The following DAB1 variants were observed in gnomAD, a reference collection of about 807,000 sequenced individuals.
DAB1 encodes the protein DAB adaptor protein 1.
A neutral mutation model predicts 64.6 loss-of-function variants in DAB1; 15 were observed. That is an observed-to-expected ratio of 0.23 (90% CI 0.16 to 0.36). The LOEUF (loss-of-function observed/expected upper bound fraction) is 0.36, where lower values mean the gene tolerates loss of function less well. Ranked by LOEUF, DAB1 falls within the 10% of genes least tolerant of loss-of-function variation. DAB1 has a pLI of 1.00. For missense variants in DAB1, 596 were observed against 706.7 expected (o/e 0.84, Z 1.78); for synonymous variants, 235 against 251.9 (o/e 0.93, Z 0.64).
intron 2 of DAB1, among the ~76,000 whole-genome samples, chr1:58,521,606 T>C: frequency 6.6e-6 from 1 of 152,180 alleles, no homozygotes. Flanking sequence ...AAATAACAGG[T>C]ATCCTTCAGA....
intron 1 of DAB1, among the ~76,000 whole-genome samples, chr1:57,855,380 C>T (rs763286170): frequency 5.9e-5 from 9 of 152,076 alleles, no homozygotes; most frequent in Non-Finnish European, 1.0e-4. Context: ...CGTCCCTGCC[C>T]CCATGGAGCT....
At chr1:57,392,930 A>T (rs1171215995) in intron 1 of DAB1, among the ~76,000 whole-genome samples, 2 of 152,228 alleles carry the variant, frequency 1.3e-5, no homozygotes, top group African/African-American at 4.8e-5. Flanking sequence ...CTTAAGAGAC[A>T]GTATCATATT....
chr1:57,148,074 T>C (rs1263687016), intron 2 of DAB1, among the ~76,000 whole-genome samples: 2 of 152,196 alleles, frequency 1.3e-5, no homozygotes, highest in Admixed American at 1.3e-4. Context: ...TGGTACTCAA[T>C]ACATTGGCAG....
chr1:57,460,352 A>T (rs990410164), intron 7 of DAB1, among the ~76,000 whole-genome samples: 1 of 152,176 alleles, frequency 6.6e-6, no homozygotes, highest in Non-Finnish European at 1.5e-5. Context: ...GAGGGAGAAG[A>T]CCATTTCCAC....
chr1:58,250,362 G>T (rs1166113404), intron 4 of DAB1, among the ~76,000 whole-genome samples: 3 of 152,218 alleles, frequency 2.0e-5, no homozygotes, highest in Non-Finnish European at 4.4e-5. Context: ...GGGCCAGGGC[G>T]CGCGGGAGAC....
intron 9 of DAB1, among the ~76,000 whole-genome samples, chr1:57,050,361 C>G (rs1300930127): frequency 6.6e-6 from 1 of 152,200 alleles, no homozygotes; most frequent in Non-Finnish European, 1.5e-5. Context: ...GCATCAGTGA[C>G]TTCCTAACAG....
chr1:57,096,611 T>G (rs888423563), intron 4 of DAB1, among the ~76,000 whole-genome samples: 3 of 152,232 alleles, frequency 2.0e-5, no homozygotes, highest in African/African-American at 7.2e-5. Context: ...ATAGGTCAGC[T>G]CCTCTCAGGT....
chr1:57,514,037 A>G (rs1404710071), intron 7 of DAB1, among the ~76,000 whole-genome samples: 1 of 152,192 alleles, frequency 6.6e-6, no homozygotes, highest in Non-Finnish European at 1.5e-5. Flanking sequence ...CTTCTTTTTT[A>G]ATGCTGAATA....
rs61765264 is a variant in DAB1 at position 57,057,900 on chromosome 1, G to A, written c.723+4984C>T. Among the ~76,000 whole-genome samples the A allele has an allele frequency of 4.2e-3, 636 of 152,218 alleles. 3 individuals carry two copies. Among genetic ancestry groups the A allele is most frequent in the Non-Finnish European group, 7.2e-3 (489 of 67,998 alleles). The stretch of plus-strand genomic sequence containing the variant: ...TGGGATTACAGGCATGAGCCACCGC[G>A]CCCGGCCTACTGATTCTTAATTCTA... On this transcript the variant is annotated intron_variant, in intron 9 of 14. Coordinates refer to ENST00000371236, the MANE Select transcript of DAB1 (RefSeq NM_001365792.1).
chr1:57,142,707 C>T (rs182372011), intron 3 of DAB1, among the ~76,000 whole-genome samples: 113 of 151,842 alleles, frequency 7.4e-4, no homozygotes, highest in African/African-American at 2.5e-3. Context: ...TAATCCTGAG[C>T]GAGAATGTTC....
chr1:57,251,535 A>G (rs967332295), intron 2 of DAB1, among the ~76,000 whole-genome samples: 1 of 152,214 alleles, frequency 6.6e-6, no homozygotes, highest in Non-Finnish European at 1.5e-5. Context: ...CACCTCGAGT[A>G]CACTGAAACA....
At chr1:57,746,741 A>T (rs1426853512) in intron 6 of DAB1, among the ~76,000 whole-genome samples, 1 of 152,134 alleles carries the variant, frequency 6.6e-6, no homozygotes, top group East Asian at 1.9e-4. Context: ...TGGTTGTTAT[A>T]TTGTATCATT....
intron 6 of DAB1, among the ~76,000 whole-genome samples, chr1:57,741,675 G>C (rs538067209): frequency 6.6e-6 from 1 of 152,206 alleles, no homozygotes; most frequent in South Asian, 2.1e-4. Flanking sequence ...GGAAATCTGC[G>C]TAGTATGCAA....
chr1:57,774,697 A>G (rs980486003), intron 6 of DAB1, among the ~76,000 whole-genome samples: 2 of 151,840 alleles, frequency 1.3e-5, no homozygotes, highest in South Asian at 2.1e-4. Context: ...AAATTGTATC[A>G]TAAATTATGT....
chr1:57,247,079 T>G (rs1668942759), intron 2 of DAB1, among the ~76,000 whole-genome samples: 1 of 144,650 alleles, frequency 6.9e-6, no homozygotes, highest in Admixed American at 7.1e-5. Context: ...TTAAGAAAGT[T>G]TGGGAGACTG....
intron 6 of DAB1, among the ~76,000 whole-genome samples, chr1:57,709,762 AC>A (rs1014052455): frequency 2.6e-5 from 4 of 151,816 alleles, no homozygotes; most frequent in South Asian, 4.2e-4. Context: ...AAATCTGGCC[AC>A]CCCACCCCCC....
At chr1:57,569,078 G>A (rs1353607219) in intron 7 of DAB1, among the ~76,000 whole-genome samples, 1 of 150,628 alleles carries the variant, frequency 6.6e-6, no homozygotes, top group East Asian at 2.0e-4. Flanking sequence ...CTAACACGGT[G>A]AAACCCCGTC....
At chr1:58,025,647 G>GTGTATATATATATATATATATATATA in intron 5 of DAB1, among the ~76,000 whole-genome samples, 1 of 63,958 alleles carries the variant, frequency 1.6e-5, no homozygotes, top group African/African-American at 5.0e-5. Context: ...ATATATATAT[G>GTGTATATATATATATATATATATATA]TGTGTATATA....
At chr1:57,277,768 C>T (rs1208379987) in intron 2 of DAB1, among the ~76,000 whole-genome samples, 2 of 152,166 alleles carry the variant, frequency 1.3e-5, no homozygotes, top group African/African-American at 4.8e-5. Context: ...CCTTCCCGTG[C>T]ACATTTGTCA....
Sources: allele counts gnomAD v4.1 joint callset (sites outside exome capture counted in the v4.1 genomes callset), GRCh38; gene constraint gnomAD v4.1.1; transcripts MANE v1.5; gene names NCBI Gene and HGNC (gene_info 2026-07-23, HGNC 2026-07-21).